Variants in HDAC9 observed in about 807,000 individuals in gnomAD.
HDAC9 encodes the protein MEF-2 interacting transcription repressor (MITR) protein.
In HDAC9, 41 loss-of-function variants were observed where a neutral mutation model predicts 139.4. The observed-to-expected ratio is 0.29, with a 90% CI of 0.23 to 0.38. The LOEUF (loss-of-function observed/expected upper bound fraction) is 0.38. HDAC9 is among the 10% of genes least tolerant of loss of function. HDAC9 has a pLI of 1.00. For synonymous variants in HDAC9, 517 were observed against 476.2 expected, an observed-to-expected ratio of 1.09 and a Z score of -1.12; for missense variants, 1,147 against 1,297.0, an observed-to-expected ratio of 0.88 and a Z score of 1.78.
At chr7:18,578,848 C>T (rs983978028) in intron 2 of HDAC9, among the ~76,000 whole-genome samples, 2 of 152,108 alleles carry the variant, frequency 1.3e-5, no homozygotes, top group South Asian at 2.1e-4. Flanking sequence ...CAGTGAAAAC[C>T]GTAGTTAGGT....
intron 2 of HDAC9, among the ~76,000 whole-genome samples, chr7:18,248,500 G>T (rs1031524281): frequency 6.6e-6 from 1 of 152,180 alleles, no homozygotes; most frequent in Non-Finnish European, 1.5e-5. Context: ...GAAACTTGGT[G>T]GAATTGTTGG....
intron 12 of HDAC9, among the ~76,000 whole-genome samples, chr7:18,675,133 C>T (rs988620518): frequency 6.6e-6 from 1 of 151,990 alleles, no homozygotes; most frequent in Non-Finnish European, 1.5e-5. Context: ...TCAGCCTCCT[C>T]CTTGTGCATA....
chr7:18,703,753 C>T (rs914200050), intron 12 of HDAC9, among the ~76,000 whole-genome samples: 2 of 150,310 alleles, frequency 1.3e-5, no homozygotes, highest in Non-Finnish European at 3.0e-5. Flanking sequence ...CCAGAAATAA[C>T]CCCCAATCCC....
intron 5 of HDAC9, among the ~76,000 whole-genome samples, chr7:18,593,409 C>T (rs535667170): frequency 6.6e-6 from 1 of 152,058 alleles, no homozygotes; most frequent in African/African-American, 2.4e-5. Flanking sequence ...GAAACTGCCC[C>T]AGAAGTCAGG....
intron 22 of HDAC9, among the ~76,000 whole-genome samples, chr7:18,908,845 G>A (rs139165228): frequency 1.6e-3 from 236 of 152,026 alleles, no homozygotes; most frequent in African/African-American, 5.6e-3. Context: ...CTTGGCTATT[G>A]TGAATAGTAC....
In HDAC9 at chr7:18,363,515, T is replaced by G. The variant is rs375472943; in HGVS notation, c.-42+73000T>G. ...AGAAAGAAAGAAAATGTTGTTATTATTATTTGCATTTGGTACTGTGCTATG... is the reference window on the plus strand; with the variant it reads ...AGAAAGAAAGAAAATGTTGTTATTAGTATTTGCATTTGGTACTGTGCTATG... On this transcript the variant is annotated intron_variant, in intron 1 of 3. Transcript: ENST00000413509. 2.0e-5 allele frequency among the ~76,000 whole-genome samples: 3 copies of G among 152,208 alleles called. No homozygotes were observed. The East Asian group carries it at 5.8e-4, about 29-fold the overall frequency.
At chr7:18,554,131 T>C (rs1817991460) in intron 2 of HDAC9, among the ~76,000 whole-genome samples, 1 of 152,302 alleles carries the variant, frequency 6.6e-6, no homozygotes, top group South Asian at 2.1e-4. Context: ...AGGTATTAAT[T>C]CTAATCCTTC....
At chr7:18,304,678 A>T (rs897076344) in intron 1 of HDAC9, among the ~76,000 whole-genome samples, 4 of 152,174 alleles carry the variant, frequency 2.6e-5, no homozygotes, top group Non-Finnish European at 4.4e-5. Flanking sequence ...GCAATCACAA[A>T]ATATGCCATA....
At chr7:18,584,558 G>C (rs1215707127) in intron 2 of HDAC9, among the ~76,000 whole-genome samples, 2 of 152,098 alleles carry the variant, frequency 1.3e-5, no homozygotes, top group Non-Finnish European at 2.9e-5. Context: ...TTTTACTCCA[G>C]TGGTTTGATT....
At chr7:18,568,042 A>G (rs917438351) in intron 2 of HDAC9, among the ~76,000 whole-genome samples, 2 of 146,356 alleles carry the variant, frequency 1.4e-5, no homozygotes, top group Admixed American at 1.4e-4. Flanking sequence ...ATATATATAT[A>G]TATATATATA....
chr7:18,437,219 GGTAT>G (rs1420406380), intron 1 of HDAC9, among the ~76,000 whole-genome samples: 1 of 151,916 alleles, frequency 6.6e-6, no homozygotes, highest in Non-Finnish European at 1.5e-5. Flanking sequence ...GTGTGCATGT[GGTAT>G]GTGTGTGTGT....
intron 2 of HDAC9, among the ~76,000 whole-genome samples, chr7:18,557,064 A>G (rs553551565): frequency 6.6e-6 from 1 of 152,156 alleles, no homozygotes; most frequent in Admixed American, 6.5e-5. Context: ...CAGTAGATTC[A>G]AGAGGAATTT....
chr7:18,467,158 C>T (rs959286871), intron 1 of HDAC9, among the ~76,000 whole-genome samples: 1 of 152,148 alleles, frequency 6.6e-6, no homozygotes, highest in Non-Finnish European at 1.5e-5. Flanking sequence ...CGTCTTCTTC[C>T]CTACTCACAC....
intron 14 of HDAC9, among the ~76,000 whole-genome samples, chr7:18,757,834 C>T (rs2129153304): frequency 6.6e-6 from 1 of 152,164 alleles, no homozygotes; most frequent in Admixed American, 6.5e-5. Flanking sequence ...AATCGGGATG[C>T]ATTAACGGGC....
At chr7:18,703,568 G>A (rs1303694769) in intron 12 of HDAC9, among the ~76,000 whole-genome samples, 1 of 152,066 alleles carries the variant, frequency 6.6e-6, no homozygotes. Context: ...GCATAATCTG[G>A]CATGTTTCCT....
At chr7:18,348,089 A>C (rs982129862) in intron 1 of HDAC9, among the ~76,000 whole-genome samples, 1 of 152,190 alleles carries the variant, frequency 6.6e-6, no homozygotes, top group Non-Finnish European at 1.5e-5. Context: ...GGATCTCTTG[A>C]ATTGCTGGTT....
intron 2 of HDAC9, among the ~76,000 whole-genome samples, chr7:18,531,980 G>C (rs1403941275): frequency 6.6e-6 from 1 of 152,204 alleles, no homozygotes; most frequent in East Asian, 1.9e-4. Flanking sequence ...TGGGCACAGT[G>C]GCTCAAGCCT....
chr7:18,588,672 C>CCA (rs1214307852), intron 3 of HDAC9, among the ~76,000 whole-genome samples: 3 of 151,974 alleles, frequency 2.0e-5, no homozygotes, highest in East Asian at 1.9e-4. Context: ...CATGTCTTGC[C>CCA]CACACACACA....
chr7:18,195,651 T>G (rs1790674337), intron 2 of HDAC9, among the ~76,000 whole-genome samples: 1 of 152,196 alleles, frequency 6.6e-6, no homozygotes, highest in African/African-American at 2.4e-5. Flanking sequence ...CCGGGCCTGC[T>G]TCTCCTCAGC....
Sources: gnomAD v4.1 joint callset for allele counts (sites outside exome capture counted in the v4.1 genomes callset) on GRCh38, gnomAD v4.1.1 for gene constraint, MANE v1.5 for transcripts, NCBI Gene and HGNC (gene_info 2026-07-23, HGNC 2026-07-21) for gene names.